NDC80: variants seen among roughly 807,000 people sequenced by gnomAD.
NDC80 encodes the protein NDC80 kinetochore complex component, also known as kinetochore protein NDC80 homolog.
A neutral mutation model predicts 89.3 loss-of-function variants in NDC80; 69 were observed. The ratio of observed to expected loss-of-function variants is 0.77; its 90% CI spans 0.64 to 0.94. The LOEUF (loss-of-function observed/expected upper bound fraction) is 0.94, where lower values mean the gene tolerates loss of function less well. NDC80 is among the 40% of genes least tolerant of loss of function. The probability of loss-of-function intolerance (pLI) is 0.00; values close to 1 mark genes in which losing one functional copy is unlikely to be tolerated. For missense variants in NDC80, 593 were observed against 739.6 expected (o/e 0.80, Z 2.30); for synonymous variants, 243 against 255.6 (o/e 0.95, Z 0.47).
intron 11 of NDC80, 55 bp from the exon 12 acceptor site, chr18:2,598,964 A>G: frequency 7.0e-7 from 1 of 1,428,652 alleles, no homozygotes; most frequent in East Asian, 2.5e-5. Context: ...GTCAATTGAA[A>G]AAAACATATG....
intron 10 of NDC80, among the ~76,000 whole-genome samples, chr18:2,591,755 C>CTT (rs56126967): frequency 7.3e-4 from 99 of 136,356 alleles, no homozygotes; most frequent in African/African-American, 2.3e-3. Flanking sequence ...TTAATCAATA[C>CTT]TTTTTTTTTT....
At position 2,585,152 on chromosome 18, in the gene NDC80, G is replaced by A; in HGVS notation, c.619G>A (p.Asp207Asn). 3 of 1,613,594 alleles carry A rather than the reference G, an allele frequency of 1.9e-6. No homozygotes were observed. Among genetic ancestry groups the A allele is most frequent in the Non-Finnish European group, 2.5e-6 (3 of 1,179,714 alleles). The change falls in exon 7 of 17, where the codon GAT becomes AAT. Residue 207 changes from aspartate (D) to asparagine (N), a missense_variant. By Grantham distance (23) the Asp-to-Asn change is conservative. Transcript: ENST00000261597. Reference sequence around the variant, plus strand: ...GAAAGAAAGCTCACCTTTATTTGATGATGGGCAGCCTTGGGGAGAAGAAAC... The same window carrying A: ...GAAAGAAAGCTCACCTTTATTTGATAATGGGCAGCCTTGGGGAGAAGAAAC... ...AMKESSPLFD[D>N]GQPWGEETED...
intron 11 of NDC80, among the ~76,000 whole-genome samples, chr18:2,597,732 A>G (rs2072664457): frequency 6.6e-6 from 1 of 151,036 alleles, no homozygotes; most frequent in African/African-American, 2.4e-5. Flanking sequence ...CTCTGTCTAA[A>G]AAAAAAAAAA....
intron 11 of NDC80, among the ~76,000 whole-genome samples, chr18:2,598,438 AAAAC>A (rs1248007349): frequency 6.6e-6 from 1 of 152,240 alleles, no homozygotes; most frequent in Non-Finnish European, 1.5e-5. Flanking sequence ...GAAGAAAAAT[AAAAC>A]AAAATAAGCA....
Position 2,607,588 on chromosome 18 carries a change from G to A in NDC80, c.1557+1081G>A, listed in dbSNP as rs574067658. 3.3e-5 allele frequency among the ~76,000 whole-genome samples: 5 copies of A among 152,088 alleles called. No individual in the cohort carries two copies. The South Asian group carries it at 1.0e-3, about 32-fold the overall frequency. ...TACTGAATTCTAGTCAGTTGACCTT[G>A]GCGCCCTAAAAACTGAACCAATTTT... On this transcript the variant is annotated intron_variant, in intron 14 of 16. Coordinates refer to ENST00000261597, the MANE Select transcript of NDC80 (RefSeq NM_006101.3).
chr18:2,602,928 A>G (rs867144868), intron 13 of NDC80, among the ~76,000 whole-genome samples: 13 of 152,330 alleles, frequency 8.5e-5, no homozygotes, highest in Middle Eastern at 6.8e-3. Flanking sequence ...TTAAGGAGGT[A>G]GAACCCAAGG....
intron 7 of NDC80, among the ~76,000 whole-genome samples, chr18:2,587,145 G>C (rs1011449295): frequency 6.6e-6 from 1 of 152,168 alleles, no homozygotes; most frequent in African/African-American, 2.4e-5. Context: ...TTAGCACAAA[G>C]GGAATTGGTT....
Position 2,589,312 on chromosome 18 carries a change from T to C in NDC80, c.870+2T>C. 6.2e-7 allele frequency: 1 copy of C among 1,603,068 alleles called. No individual in the cohort carries two copies. Among genetic ancestry groups the C allele is most frequent in the Non-Finnish European group, 8.5e-7 (1 of 1,170,212 alleles). ...GAACAAGAAAGAGAAAAAGAACCGG[T>C]TAGTAAACATGTTTACACACTTACT... On this transcript the variant is annotated splice_donor_variant, in intron 9 of 16. Transcript: ENST00000261597. LOFTEE classifies it high-confidence loss of function.
chr18:2,614,434 TCAAAAAAA>T lies in NDC80; in HGVS notation c.1792-2002_1792-1995del, dbSNP rs200297729. 49 of 176,934 alleles carry T rather than the reference TCAAAAAAA, an allele frequency of 2.8e-4. 2 individuals are homozygous for T. Among genetic ancestry groups the T allele is most frequent in the African/African-American group, 1.2e-3 (44 of 35,248 alleles). The allele number at this position is 176,934 out of a possible 1,614,324, so 11.0% of individuals were successfully genotyped here. A position where few individuals can be genotyped will look rare whatever the true frequency, so the allele number is the denominator to read the frequency against. On this transcript the variant is annotated intron_variant, in intron 16 of 16. Coordinates refer to ENST00000261597, the MANE Select transcript of NDC80 (RefSeq NM_006101.3). ...CCTGGCTACAGAGCAAGATGCTGTC[TCAAAAAAA>T]GAAAGAAAGAAAGAAAGAAAGAAAG... is the stretch of plus-strand genomic sequence containing the variant.
intron 11 of NDC80, among the ~76,000 whole-genome samples, chr18:2,598,339 C>G (rs1473633225): frequency 6.6e-6 from 1 of 152,120 alleles, no homozygotes; most frequent in Non-Finnish European, 1.5e-5. Context: ...AAGCACTGTT[C>G]TAGGTGCTGA....
intron 14 of NDC80, among the ~76,000 whole-genome samples, chr18:2,607,975 A>ATATATATATG (rs1555618980): frequency 2.5e-4 from 27 of 109,510 alleles, no homozygotes; most frequent in Admixed American, 1.1e-3. Context: ...GTATATATAT[A>ATATATATATG]TATATATATA....
At chr18:2,576,163 A>C (rs536287029) in intron 3 of NDC80, among the ~76,000 whole-genome samples, 1 of 152,330 alleles carries the variant, frequency 6.6e-6, no homozygotes, top group East Asian at 1.9e-4. Flanking sequence ...TTTACAGTCT[A>C]AAAGATTAAT....
At chr18:2,593,292 G>A (rs923803782) in intron 10 of NDC80, among the ~76,000 whole-genome samples, 4 of 151,980 alleles carry the variant, frequency 2.6e-5, no homozygotes, top group African/African-American at 9.7e-5. Context: ...GACCTCAGGT[G>A]ATCCACCCGC....
chr18:2,586,439 T>TA (rs2072603420), intron 7 of NDC80, among the ~76,000 whole-genome samples: 1 of 152,170 alleles, frequency 6.6e-6, no homozygotes, highest in Non-Finnish European at 1.5e-5. Context: ...TATTAAGTAT[T>TA]AAATGTCTTG....
In NDC80 at chr18:2,587,900, A is replaced by C; in HGVS notation, c.740A>C (p.Asn247Thr). The C allele has an allele frequency of 6.2e-7, 1 of 1,613,648 alleles. No homozygotes were observed. Among genetic ancestry groups the C allele is most frequent in the Non-Finnish European group, 8.5e-7 (1 of 1,179,618 alleles). The change falls in exon 8 of 17, where the codon AAT (asparagine) becomes ACT (threonine). Residue 247 changes from asparagine to threonine, a missense_variant. Coordinates refer to ENST00000261597, the MANE Select transcript of NDC80 (RefSeq NM_006101.3). ...GGTGCCGACAGCTTTGATGAGATGA[A>C]TGCAGAGCTGCAGTCAAAACTGAGT... Reference protein sequence around the residue: ...MSGADSFDEMNAELQSKLKDL... With the variant: ...MSGADSFDEMTAELQSKLKDL...
chr18:2,613,377 G>A (rs966752015), intron 16 of NDC80, among the ~76,000 whole-genome samples: 1 of 151,898 alleles, frequency 6.6e-6, no homozygotes, highest in African/African-American at 2.4e-5. Context: ...GGTCTGTTTA[G>A]GCATACCAAG....
At chr18:2,599,842 G>T (rs1343893066) in intron 12 of NDC80, among the ~76,000 whole-genome samples, 1 of 152,098 alleles carries the variant, frequency 6.6e-6, no homozygotes, top group African/African-American at 2.4e-5. Context: ...AAAGTCAAAA[G>T]CTATACATTT....
intron 14 of NDC80, among the ~76,000 whole-genome samples, chr18:2,607,972 T>TATATATATATATATAC (rs1555618978): frequency 9.6e-6 from 1 of 103,750 alleles, no homozygotes; most frequent in Non-Finnish European, 2.1e-5. Context: ...ATAGTATATA[T>TATATATATATATATAC]ATATATATAT....
At chr18:2,613,055 T>C (rs2072753767) in intron 16 of NDC80, among the ~76,000 whole-genome samples, 1 of 152,244 alleles carries the variant, frequency 6.6e-6, no homozygotes, top group Non-Finnish European at 1.5e-5. Context: ...AAGTGTTTAT[T>C]TGAGCAGTTC....
Sources: gnomAD v4.1 joint callset for allele counts (sites outside exome capture counted in the v4.1 genomes callset) on GRCh38, gnomAD v4.1.1 for gene constraint, MANE v1.5 for transcripts, NCBI Gene and HGNC (gene_info 2026-07-23, HGNC 2026-07-21) for gene names.